PIK3C2A: variants seen among roughly 807,000 people sequenced by gnomAD.
The protein encoded by PIK3C2A is phosphatidylinositol 4-phosphate 3-kinase C2 domain-containing subunit alpha.
Under a neutral mutation model 204.5 loss-of-function variants are expected in PIK3C2A, and 97 were observed. That is an observed-to-expected ratio of 0.47 (90% CI 0.40 to 0.56). The LOEUF is 0.56. Ranked by LOEUF, PIK3C2A falls within the 20% of genes least tolerant of loss-of-function variation. The pLI is 0.00. For missense variants in PIK3C2A, 1,735 were observed against 1,969.2 expected (o/e 0.88, Z 2.25); for synonymous variants, 653 against 664.4 (o/e 0.98, Z 0.26).
intron 19 of PIK3C2A, among the ~76,000 whole-genome samples, chr11:17,116,742 A>C (rs1849207346): frequency 6.6e-6 from 1 of 151,926 alleles, no homozygotes; most frequent in Non-Finnish European, 1.5e-5. Flanking sequence ...GGCGCCCGCC[A>C]CCATGCCTGG....
chr11:17,191,897 T>C (rs1049179505), intron 1 of PIK3C2A, among the ~76,000 whole-genome samples: 1 of 150,688 alleles, frequency 6.6e-6, no homozygotes, highest in Non-Finnish European at 1.5e-5. Flanking sequence ...CTTTGGGACG[T>C]CAAGGTGGGC....
In PIK3C2A at chr11:17,105,182, T is replaced by C. The variant is rs199499655; in HGVS notation, c.3668A>G (p.Glu1223Gly). The change falls in exon 23 of 33, where the codon GAA (glutamate) becomes GGA (glycine). Residue 1223 changes from glutamate to glycine, a missense_variant. Physicochemically the swap from Glu to Gly is moderately conservative, Grantham distance 98. Around this residue, in one of 6 missense-constraint regions of PIK3C2A, gnomAD observed 503 missense variants for 669.0 expected, o/e 0.75. Transcript: ENST00000691414. Reference protein sequence around the residue: ...EWLRKYNPSEEEYEKASENFI... With the variant: ...EWLRKYNPSEGEYEKASENFI... ...CATGCTAATTACCTTTTCATATTCT[T>C]CTTCAGAGGGATTGTATTTCCTTAG... 35 of 1,611,252 alleles carry C rather than the reference T, an allele frequency of 2.2e-5. No individual in the cohort carries two copies. The highest frequency in any genetic ancestry group is 3.0e-5 in the Non-Finnish European group (35 of 1,177,600).
chr11:17,112,217 C>T (rs187028658), intron 21 of PIK3C2A, among the ~76,000 whole-genome samples: 12 of 152,166 alleles, frequency 7.9e-5, no homozygotes, highest in East Asian at 1.9e-4. Context: ...TCTGGGAGGC[C>T]GAGGTGGGTG....
chr11:17,102,408 G>C (rs1351032162), intron 24 of PIK3C2A, among the ~76,000 whole-genome samples: 1 of 152,208 alleles, frequency 6.6e-6, no homozygotes, highest in African/African-American at 2.4e-5. Flanking sequence ...CTGCACTCCA[G>C]CCTGGGCGAC....
intron 3 of PIK3C2A, among the ~76,000 whole-genome samples, chr11:17,154,084 CGT>C (rs148115451): frequency 1.0e-3 from 153 of 150,846 alleles, no homozygotes; most frequent in South Asian, 9.4e-3. Flanking sequence ...TAAGTGTGTG[CGT>C]GTGTGTGTGT....
chr11:17,090,752 T>C (rs1356314341), intron 32 of PIK3C2A, among the ~76,000 whole-genome samples: 1 of 151,996 alleles, frequency 6.6e-6, no homozygotes, highest in Non-Finnish European at 1.5e-5. Context: ...ATTTTTTTTT[T>C]TTTGGGACAG....
chr11:17,199,746 G>A (rs1426394743), intron 1 of PIK3C2A, among the ~76,000 whole-genome samples: 2 of 152,156 alleles, frequency 1.3e-5, no homozygotes, highest in African/African-American at 2.4e-5. Context: ...CCAACATGGT[G>A]AAACCCTGTC....
chr11:17,116,594 CTT>C (rs768364818), intron 19 of PIK3C2A, among the ~76,000 whole-genome samples: 1 of 144,656 alleles, frequency 6.9e-6, no homozygotes. Flanking sequence ...TAGCAGTATT[CTT>C]TTTTTTTTTT....
intron 1 of PIK3C2A, among the ~76,000 whole-genome samples, chr11:17,186,339 TTTTG>T (rs1851750086): frequency 1.3e-5 from 2 of 152,120 alleles, no homozygotes; most frequent in Non-Finnish European, 2.9e-5. Flanking sequence ...TACTTATTTA[TTTTG>T]TTTATTGCCT....
chr11:17,137,141 G>T (rs1590949973), intron 8 of PIK3C2A, among the ~76,000 whole-genome samples: 1 of 152,080 alleles, frequency 6.6e-6, no homozygotes, highest in East Asian at 1.9e-4. Flanking sequence ...GCCAAGTACT[G>T]TTAGAATGGG....
chr11:17,127,967 C>T (rs2137367304), intron 13 of PIK3C2A, among the ~76,000 whole-genome samples: 1 of 152,228 alleles, frequency 6.6e-6, no homozygotes, highest in East Asian at 1.9e-4. Context: ...GTTCAAATCC[C>T]AATTCTACCA....
At chr11:17,174,200 T>C (rs1253732751) in intron 1 of PIK3C2A, among the ~76,000 whole-genome samples, 1 of 151,834 alleles carries the variant, frequency 6.6e-6, no homozygotes, top group East Asian at 1.9e-4. Flanking sequence ...GGCACAAGAG[T>C]ATGGATATAT....
At chr11:17,124,183 A>G (rs1849448251) in intron 13 of PIK3C2A, among the ~76,000 whole-genome samples, 1 of 152,164 alleles carries the variant, frequency 6.6e-6, no homozygotes, top group African/African-American at 2.4e-5. Flanking sequence ...TGTTATGTCT[A>G]AGAACCACCC....
At chr11:17,113,906 C>T (rs1459218859) in intron 20 of PIK3C2A, among the ~76,000 whole-genome samples, 1 of 151,110 alleles carries the variant, frequency 6.6e-6, no homozygotes, top group East Asian at 1.9e-4. Flanking sequence ...AAAGTGAAAC[C>T]CCATCTCTAC....
At chr11:17,110,646 C>T (rs1848973111) in intron 21 of PIK3C2A, 85 bp from the exon 22 acceptor site, 1 of 1,244,860 alleles carries the variant, frequency 8.0e-7, no homozygotes, top group East Asian at 2.6e-5. Flanking sequence ...AATCCCAGCA[C>T]TTTGGGAGGC....
intron 8 of PIK3C2A, among the ~76,000 whole-genome samples, chr11:17,143,936 C>CA (rs1029282242): frequency 1.3e-5 from 2 of 150,688 alleles, no homozygotes; most frequent in South Asian, 2.1e-4. Context: ...GACTCTGTCT[C>CA]AAAAAACAAA....
chr11:17,117,499 C>G lies in PIK3C2A; in HGVS notation c.3208G>C (p.Ala1070Pro), dbSNP rs1328021265. The change falls in exon 19 of 33, where the codon GCC (alanine) becomes CCC (proline). Residue 1070 changes from alanine (A) to proline (P), a missense_variant. By Grantham distance (27) the Ala-to-Pro change is conservative. Transcript: ENST00000691414. ...CTTTTATGGGTACATACCTGTCTGG[C>G]TGATCCACTAGCCTGCCTTACTTTT... is the stretch of plus-strand genomic sequence containing the variant. ...AEKVRQASGS[A>P]RQVVLQRSME... is the part of the protein sequence containing the mutation. 2 of 1,610,776 alleles carry G rather than the reference C, an allele frequency of 1.2e-6. No homozygotes were observed. Among genetic ancestry groups the G allele is most frequent in the African/African-American group, 2.7e-5 (2 of 74,804 alleles).
chr11:17,120,835 AG>A (rs2137344934), intron 15 of PIK3C2A, among the ~76,000 whole-genome samples: 1 of 152,192 alleles, frequency 6.6e-6, no homozygotes, highest in South Asian at 2.1e-4. Flanking sequence ...TTTGAGATGG[AG>A]TCTCGCTCTG....
chr11:17,117,353 A>C (rs61762023), intron 19 of PIK3C2A, 138 bp downstream of exon 19: 257 of 495,920 alleles, frequency 5.2e-4, no homozygotes, highest in African/African-American at 4.4e-3. Flanking sequence ...CTTTGAATTT[A>C]TCTGCCCCAA....
Sources: gnomAD v4.1 joint callset for allele counts (sites outside exome capture counted in the v4.1 genomes callset) on GRCh38, gnomAD v4.1.1 for gene constraint, gnomAD v4.1.1 regional missense constraint, MANE v1.5 for transcripts, NCBI Gene and HGNC (gene_info 2026-07-23, HGNC 2026-07-21) for gene names.